Variants in CNBP observed in about 807,000 individuals in gnomAD.
CNBP encodes CCHC-type zinc finger nucleic acid binding protein.
CNBP carries 6 observed loss-of-function variants against 21.2 expected under a neutral mutation model. That is an observed-to-expected ratio of 0.28 (90% confidence interval 0.16 to 0.56). The LOEUF (loss-of-function observed/expected upper bound fraction) is 0.56, where lower values mean the gene tolerates loss of function less well. CNBP is among the 20% of genes least tolerant of loss of function. The pLI, the probability that CNBP is intolerant of heterozygous loss-of-function variation, is 0.93. For missense variants in CNBP, 112 were observed against 233.1 expected, an observed-to-expected ratio of 0.48 and a Z score of 3.38; for synonymous variants, 61 against 74.9, an observed-to-expected ratio of 0.81 and a Z score of 0.96.
chr3:129,171,674 T>G lies in CNBP; in HGVS notation c.84A>C (p.Gly28=). ...AACCACCTCTGCCACGGCTTCTCAT[T>G]CCACGACCACGGCCTCCACCAGTAG... is the stretch of plus-strand genomic sequence containing the variant. ...ECPTGGGRGR[G]MRSRGRGGFT... The change falls in exon 2 of 5, where the codon GGA becomes GGC. Residue 28 remains glycine, a synonymous_variant. Coordinates refer to ENST00000422453, the MANE Select transcript of CNBP (RefSeq NM_003418.5). 1 of 1,614,160 alleles carries G rather than the reference T, an allele frequency of 6.2e-7. No individual in the cohort carries two copies. The highest frequency in any genetic ancestry group is 8.5e-7 in the Non-Finnish European group (1 of 1,180,034).
intron 1 of CNBP, among the ~76,000 whole-genome samples, chr3:129,182,900 C>G: frequency 6.6e-6 from 1 of 152,000 alleles, no homozygotes; most frequent in East Asian, 1.9e-4. Flanking sequence ...AGCAGTCTCG[C>G]CACTCCAAAC....
chr3:129,179,458 G>C (rs1938143141), intron 1 of CNBP, among the ~76,000 whole-genome samples: 1 of 152,128 alleles, frequency 6.6e-6, no homozygotes, highest in African/African-American at 2.4e-5. Context: ...CGCCTGCCCT[G>C]ATTACTTCTT....
At position 129,168,391 on chromosome 3, in the gene CNBP, T is replaced by G. The variant is rs764546386; in HGVS notation, c.*2062A>C. ...ACAGTGGCTCACCTGAGGGCAACAG[T>G]TGGAGACCAGCCTGACCAACACAGT... On this transcript the variant is annotated 3_prime_UTR_variant, in exon 5 of 5. Transcript: ENST00000422453. Among the ~76,000 whole-genome samples, 3 of 151,814 alleles carry G rather than the reference T, an allele frequency of 2.0e-5. No individual in the cohort carries two copies. Among genetic ancestry groups the G allele is most frequent in the South Asian group, 4.2e-4 (2 of 4,810 alleles).
chr3:129,169,504 CTCTT>C lies in CNBP; in HGVS notation c.*945_*948del, dbSNP rs1450423270. Reference sequence around the variant, plus strand: ...TCAGCTTTCAGTCCTCCACATTCCCCTCTTTAATATGGTATTTTGCACTATATAC... The same window carrying C: ...TCAGCTTTCAGTCCTCCACATTCCCCTAATATGGTATTTTGCACTATATAC... On this transcript the variant is annotated 3_prime_UTR_variant, in exon 5 of 5. Coordinates refer to ENST00000422453, the MANE Select transcript of CNBP (RefSeq NM_003418.5). The C allele has an allele frequency of 7.9e-5, 16 of 201,756 alleles. 1 individual carries two copies. In the East Asian group the frequency reaches 1.2e-3, roughly 16 times the overall value. 12.5% of individuals were successfully genotyped at this position (201,756 alleles called of 1,614,324 possible).
In CNBP at chr3:129,171,162, G is replaced by A. The variant is rs771962656; in HGVS notation, c.333C>T (p.Cys111=). Reference sequence around the variant, plus strand: ...AGCATTTCTGCTCATCTGCATGGTCGCAGTCACGAGCCAGATGGCCTGGTT... The same window carrying A: ...AGCATTTCTGCTCATCTGCATGGTCACAGTCACGAGCCAGATGGCCTGGTT... ...CGKPGHLARD[C]DHADEQKCYS... The change falls in exon 4 of 5, where the codon TGC becomes TGT. Residue 111 remains cysteine, a synonymous_variant. Transcript: ENST00000422453. 2.2e-5 allele frequency: 36 copies of A among 1,614,104 alleles called. No individual in the cohort carries two copies. Among genetic ancestry groups the A allele is most frequent in the East Asian group, 8.9e-5 (4 of 44,904 alleles).
Position 129,170,286 on chromosome 3 carries a change from A to C in CNBP, c.*167T>G. The C allele has an allele frequency of 1.6e-6, 1 of 627,578 alleles. No homozygotes were observed. The highest frequency in any genetic ancestry group is 2.9e-6 in the Non-Finnish European group (1 of 350,452). The allele number at this position is 627,578 out of a possible 1,614,324, so 38.9% of individuals were successfully genotyped here. On this transcript the variant is annotated 3_prime_UTR_variant, in exon 5 of 5. Coordinates refer to ENST00000422453, the MANE Select transcript of CNBP (RefSeq NM_003418.5). ...TAAACATAAACTTTTTTTGTAGTTA[A>C]ATGCAGAAAGTCGGTTTTTTTCCAC... is the stretch of plus-strand genomic sequence containing the variant.
intron 1 of CNBP, among the ~76,000 whole-genome samples, chr3:129,178,257 T>C (rs559289647): frequency 4.6e-5 from 7 of 152,246 alleles, no homozygotes; most frequent in Non-Finnish European, 7.4e-5. Context: ...TTTACACATT[T>C]TGAACTTATC....
rs760054562 is a variant in CNBP at position 129,171,641 on chromosome 3, C to G, written c.117G>C (p.Ser39=). The change falls in exon 2 of 5, where the codon TCG becomes TCC. Residue 39 remains serine (S), a synonymous_variant. Coordinates refer to ENST00000422453, the MANE Select transcript of CNBP (RefSeq NM_003418.5). ...TTCTATTCGACAAAATACCTCTATCCGAGGTAAAACCACCTCTGCCACGGC... is the reference window on the plus strand; with the variant it reads ...TTCTATTCGACAAAATACCTCTATCGGAGGTAAAACCACCTCTGCCACGGC... ...MRSRGRGGFT[S]DRGFQFVSSS... The G allele has an allele frequency of 6.2e-6, 10 of 1,614,172 alleles. No individual in the cohort carries two copies. The highest frequency in any genetic ancestry group is 8.5e-6 in the Non-Finnish European group (10 of 1,180,020).
At chr3:129,177,019 G>C (rs1937949509) in intron 1 of CNBP, among the ~76,000 whole-genome samples, 2 of 152,110 alleles carry the variant, frequency 1.3e-5, no homozygotes, top group African/African-American at 4.8e-5. Flanking sequence ...AACTAAAAAA[G>C]CCAGCAACCA....
Position 129,170,580 on chromosome 3 carries a change from A to T in CNBP, c.417-10T>A, listed in dbSNP as rs778468171. 6.8e-6 allele frequency: 11 copies of T among 1,611,534 alleles called. No individual in the cohort carries two copies. The Admixed American group carries it at 1.8e-4, about 27-fold the overall frequency. ...ACCAGTTTCACCACACCTAAAAAAG[A>T]AATTAAAAGTTTTCACAATGGGCCT... On this transcript the variant is annotated splice_polypyrimidine_tract_variant and intron_variant, in intron 4 of 4. Transcript: ENST00000422453.
In CNBP at chr3:129,169,119, T is replaced by A. The variant is rs1042666228; in HGVS notation, c.*1334A>T. Among the ~76,000 whole-genome samples, 2 of 149,454 alleles carry A rather than the reference T, an allele frequency of 1.3e-5. No homozygotes were observed. The highest frequency in any genetic ancestry group is 4.9e-5 in the African/African-American group (2 of 40,504). ...TCTGTCTCAAAAAAAAATAAAAAAA[T>A]AAAATAAAAATAAAAATACAAAAAA... On this transcript the variant is annotated 3_prime_UTR_variant, in exon 5 of 5. Coordinates refer to ENST00000422453, the MANE Select transcript of CNBP (RefSeq NM_003418.5).
chr3:129,178,586 T>TA (rs1180905460), intron 1 of CNBP, among the ~76,000 whole-genome samples: 2 of 152,222 alleles, frequency 1.3e-5, no homozygotes, highest in Non-Finnish European at 2.9e-5. Flanking sequence ...TATATATGCT[T>TA]ACTTTTCGCA....
chr3:129,171,323 A>C, intron 3 of CNBP, 46 bp from the exon 4 acceptor site: 1 of 1,609,432 alleles, frequency 6.2e-7, no homozygotes, highest in South Asian at 1.1e-5. Flanking sequence ...TAAAACCTTT[A>C]CAAAGTGTTA....
chr3:129,177,302 G>A (rs1937972820), intron 1 of CNBP, among the ~76,000 whole-genome samples: 1 of 152,106 alleles, frequency 6.6e-6, no homozygotes, highest in South Asian at 2.1e-4. Context: ...TACGTATACT[G>A]CACTGATGTA....
intron 1 of CNBP, among the ~76,000 whole-genome samples, chr3:129,174,372 A>AC (rs1158261926): frequency 6.7e-6 from 1 of 150,158 alleles, no homozygotes; most frequent in Non-Finnish European, 1.5e-5. Context: ...AAAAAAAAAA[A>AC]AACGAATGGC....
In CNBP at chr3:129,183,846, A is replaced by T. The variant is rs2107653310; in HGVS notation, c.-85T>A. 1 of 152,936 alleles carries T rather than the reference A, an allele frequency of 6.5e-6. No individual in the cohort carries two copies. Among genetic ancestry groups the T allele is most frequent in the South Asian group, 2.1e-4 (1 of 4,838 alleles). The allele number at this position is 152,936 out of a possible 1,614,324, so 9.5% of individuals were successfully genotyped here. On this transcript the variant is annotated 5_prime_UTR_variant, in exon 1 of 5. Coordinates refer to ENST00000422453, the MANE Select transcript of CNBP (RefSeq NM_003418.5). Reference sequence around the variant, plus strand: ...GCCTGGGGAAGACGGCTCGCAAGGTAGAGGCTGTTTATTTTGAGGGTCCTT... The same window carrying T: ...GCCTGGGGAAGACGGCTCGCAAGGTTGAGGCTGTTTATTTTGAGGGTCCTT...
chr3:129,170,846 A>G (rs964352271), intron 4 of CNBP, among the ~76,000 whole-genome samples: 1 of 152,210 alleles, frequency 6.6e-6, no homozygotes, highest in African/African-American at 2.4e-5. Context: ...TTACTTTTAT[A>G]TATTAAAAAA....
At chr3:129,171,017 T>C in intron 4 of CNBP, 62 bp downstream of exon 4, 2 of 1,517,326 alleles carry the variant, frequency 1.3e-6, no homozygotes, top group Non-Finnish European at 8.9e-7. Flanking sequence ...CATTTATAGC[T>C]AATTCATCTC....
At chr3:129,172,780 C>A (rs1367656679) in intron 1 of CNBP, among the ~76,000 whole-genome samples, 1 of 151,618 alleles carries the variant, frequency 6.6e-6, no homozygotes, top group African/African-American at 2.4e-5. Context: ...TTAATGGACA[C>A]ATTTGCATGG....
Sources: allele counts gnomAD v4.1 joint callset (sites outside exome capture counted in the v4.1 genomes callset), GRCh38; gene constraint gnomAD v4.1.1; transcripts MANE v1.5; gene names NCBI Gene and HGNC (gene_info 2026-07-23, HGNC 2026-07-21).